Variants in GRIP1 observed in about 807,000 individuals in gnomAD.
GRIP1 encodes glutamate receptor interacting protein 1, also known as glutamate receptor-interacting protein 1.
GRIP1 carries 45 observed loss-of-function variants against 129.9 expected under a neutral mutation model. The ratio of observed to expected loss-of-function variants is 0.35; its 90% CI spans 0.27 to 0.44. The LOEUF is 0.44. GRIP1 is among the 20% of genes least tolerant of loss of function. The pLI, the probability that GRIP1 is intolerant of heterozygous loss-of-function variation, is 1.00. For missense variants in GRIP1, 1,196 were observed against 1,396.8 expected (o/e 0.86, Z 2.29); for synonymous variants, 530 against 520.8 (o/e 1.02, Z -0.24).
chr12:66,584,345 C>T (rs556532527), intron 2 of GRIP1, among the ~76,000 whole-genome samples: 65 of 152,000 alleles, frequency 4.3e-4, no homozygotes, highest in African/African-American at 1.6e-3. Flanking sequence ...CAGCATGGCA[C>T]ATGTATACAT....
At chr12:66,595,681 C>T (rs1383732062) in intron 2 of GRIP1, among the ~76,000 whole-genome samples, 3 of 152,148 alleles carry the variant, frequency 2.0e-5, no homozygotes, top group African/African-American at 4.8e-5. Context: ...GAAGACATCT[C>T]GGCACTGGGT....
Position 66,678,947 on chromosome 12 carries a change from C to G in GRIP1, c.-43G>C. 6.2e-7 allele frequency: 1 copy of G among 1,612,748 alleles called. No individual in the cohort carries two copies. Among genetic ancestry groups the G allele is most frequent in the Non-Finnish European group, 8.5e-7 (1 of 1,179,166 alleles). Reference sequence around the variant, plus strand: ...TGTGGCAAAGTGTACTCAAGGCTCTCTGCTCTGGTGGCTGCAGCAGCAGCA... The same window carrying G: ...TGTGGCAAAGTGTACTCAAGGCTCTGTGCTCTGGTGGCTGCAGCAGCAGCA... On this transcript the variant is annotated 5_prime_UTR_variant, in exon 1 of 25. Coordinates refer to ENST00000359742, the MANE Select transcript of GRIP1 (RefSeq NM_001366722.1).
intron 1 of GRIP1, among the ~76,000 whole-genome samples, chr12:66,746,378 A>T (rs1416777191): frequency 6.6e-6 from 1 of 152,212 alleles, no homozygotes; most frequent in African/African-American, 2.4e-5. Context: ...ATCTCCTGGA[A>T]GTTTGTTAGA....
At chr12:67,020,942 C>T (rs1159125499) in intron 1 of GRIP1, among the ~76,000 whole-genome samples, 1 of 151,704 alleles carries the variant, frequency 6.6e-6, no homozygotes, top group Non-Finnish European at 1.5e-5. Flanking sequence ...TCTACAAATA[C>T]AAAAATTTAG....
chr12:66,715,626 C>A (rs1310319869), intron 1 of GRIP1, among the ~76,000 whole-genome samples: 1 of 151,896 alleles, frequency 6.6e-6, no homozygotes, highest in Non-Finnish European at 1.5e-5. Flanking sequence ...CAGTAAATAC[C>A]AGCTGAATAA....
intron 13 of GRIP1, among the ~76,000 whole-genome samples, chr12:66,438,844 T>C (rs1301876350): frequency 4.6e-5 from 7 of 152,090 alleles, no homozygotes; most frequent in Non-Finnish European, 8.8e-5. Context: ...TTCCAAGCAA[T>C]ACATTGGGTG....
intron 1 of GRIP1, among the ~76,000 whole-genome samples, chr12:66,603,957 C>T (rs2064393358): frequency 6.6e-6 from 1 of 152,144 alleles, no homozygotes; most frequent in Admixed American, 6.6e-5. Flanking sequence ...TGAATTACTA[C>T]CCCTTAGCTA....
At chr12:66,525,090 C>A (rs34333715) in intron 5 of GRIP1, among the ~76,000 whole-genome samples, 41,163 of 152,072 alleles carry the variant, frequency 0.27, 5,749 homozygotes, top group Middle Eastern at 0.33. Flanking sequence ...CAGCCGAATT[C>A]TACCAAAGCT....
In GRIP1 at chr12:67,010,183, A is replaced by G. The variant is rs1396833485; in HGVS notation, c.58+58867T>C. 3.3e-5 allele frequency among the ~76,000 whole-genome samples: 5 copies of G among 152,316 alleles called. No individual in the cohort carries two copies. In the South Asian group the frequency reaches 6.2e-4, roughly 19 times the overall value. ...TTTATGAAATTCATGAGTAATACAA[A>G]GCTAAGAGGATAGGTAATATAAAAG... On this transcript the variant is annotated intron_variant, in intron 1 of 1. Transcript: ENST00000643019.
At chr12:66,351,569 T>G (rs1416287429) in intron 24 of GRIP1, among the ~76,000 whole-genome samples, 1 of 151,528 alleles carries the variant, frequency 6.6e-6, no homozygotes, top group Non-Finnish European at 1.5e-5. Flanking sequence ...TTTTTTTTTT[T>G]TTTTTTGGAA....
At position 66,621,685 on chromosome 12, in the gene GRIP1, A is replaced by AGCAGCTAC. The variant is rs2065273184; in HGVS notation, c.56-24766_56-24759dup. On this transcript the variant is annotated intron_variant, in intron 1 of 24. Transcript: ENST00000359742. The stretch of plus-strand genomic sequence containing the variant: ...GAGGAATCCCCAAACTGTTTTCCAC[A>AGCAGCTAC]GCAGCTACACTATTTTATATTCCCT... 6.6e-5 allele frequency among the ~76,000 whole-genome samples: 10 copies of AGCAGCTAC among 152,194 alleles called. No homozygotes were observed. The South Asian group carries it at 2.1e-3, about 31-fold the overall frequency.
chr12:66,999,769 T>C (rs1036774261), intron 1 of GRIP1, among the ~76,000 whole-genome samples: 3 of 152,122 alleles, frequency 2.0e-5, no homozygotes, highest in African/African-American at 7.2e-5. Context: ...AGAGAAGATA[T>C]AATTATATAT....
chr12:66,428,509 CTG>C (rs1390112597), intron 14 of GRIP1, among the ~76,000 whole-genome samples: 1 of 152,126 alleles, frequency 6.6e-6, no homozygotes, highest in Non-Finnish European at 1.5e-5. Flanking sequence ...TCACAAAATA[CTG>C]TCTTTTGCTT....
chr12:66,891,302 T>C (rs2040654033), intron 1 of GRIP1, among the ~76,000 whole-genome samples: 1 of 152,192 alleles, frequency 6.6e-6, no homozygotes, highest in African/African-American at 2.4e-5. Flanking sequence ...CAGTTGGGAC[T>C]CAATGGTCCA....
intron 1 of GRIP1, chr12:66,891,729 C>G (rs1390532410): frequency 6.6e-6 from 1 of 152,166 alleles, no homozygotes; most frequent in Non-Finnish European, 1.5e-5. Context: ...CCTTCCTTCT[C>G]TCTCATGGGA....
intron 11 of GRIP1, among the ~76,000 whole-genome samples, chr12:66,448,826 T>C (rs2058700294): frequency 6.6e-6 from 1 of 152,258 alleles, no homozygotes; most frequent in Non-Finnish European, 1.5e-5. Flanking sequence ...GGGTAGCCTT[T>C]CTAACATGCA....
intron 1 of GRIP1, among the ~76,000 whole-genome samples, chr12:66,913,871 G>C (rs1254946457): frequency 1.3e-5 from 2 of 152,112 alleles, no homozygotes; most frequent in Non-Finnish European, 2.9e-5. Context: ...TCTGTTAGTA[G>C]ATAATTCCTT....
intron 1 of GRIP1, among the ~76,000 whole-genome samples, chr12:66,642,639 C>A (rs191181701): frequency 1.2e-3 from 179 of 152,126 alleles, no homozygotes; most frequent in Middle Eastern, 6.8e-3. Flanking sequence ...TCAGTCAGGG[C>A]CCAGAAGGGC....
At chr12:66,879,674 G>GA (rs1192934445) in intron 1 of GRIP1, among the ~76,000 whole-genome samples, 1 of 152,078 alleles carries the variant, frequency 6.6e-6, no homozygotes, top group Non-Finnish European at 1.5e-5. Flanking sequence ...AAGGCAGAAT[G>GA]AATTGAATGG....
Sources: allele counts gnomAD v4.1 joint callset (sites outside exome capture counted in the v4.1 genomes callset), GRCh38; gene constraint gnomAD v4.1.1; transcripts MANE v1.5; gene names NCBI Gene and HGNC (gene_info 2026-07-23, HGNC 2026-07-21).